Variants in EDARADD observed in about 807,000 individuals in gnomAD.
The protein encoded by EDARADD is EDAR associated via death domain.
In EDARADD, 20 loss-of-function variants were observed where a neutral mutation model predicts 25.6. That is an observed-to-expected ratio of 0.78 (90% CI 0.55 to 1.14). The LOEUF is 1.14. Among genes scored for constraint, EDARADD ranks in the 50% most tolerant of loss-of-function variants. The probability of loss-of-function intolerance (pLI) is 0.00; values close to 1 mark genes in which losing one functional copy is unlikely to be tolerated. For missense variants in EDARADD, 225 were observed against 270.1 expected (o/e 0.83, Z 1.17); for synonymous variants, 86 against 94.4 (o/e 0.91, Z 0.52).
chr1:236,395,807 C>T lies in EDARADD; in HGVS notation c.61+1302C>T. 1.4e-6 allele frequency: 1 copy of T among 718,950 alleles called. No homozygotes were observed. The allele number at this position is 718,950 out of a possible 1,614,324, so 44.5% of individuals were successfully genotyped here. ...CGGGAACCACCCCCGACCCAGGCGC[C>T]AGACCCGGAGTCGCACGGGGCTCCC... On this transcript the variant is annotated intron_variant, in intron 1 of 5. Transcript: ENST00000334232. The surrounding 1 kb of genome is among the most constrained non-coding windows in gnomAD (Gnocchi z 6.9).
chr1:236,383,266 A>G (rs971692149), intron 3 of EDARADD, among the ~76,000 whole-genome samples: 1 of 151,848 alleles, frequency 6.6e-6, no homozygotes, highest in African/African-American at 2.4e-5. Flanking sequence ...ATGGTGGTGC[A>G]TGCCTGTAGT....
rs115412263 is a variant in EDARADD at position 236,415,738 on chromosome 1, T to C, written c.160+1439T>C. On this transcript the variant is annotated intron_variant, in intron 3 of 5. Coordinates refer to ENST00000334232, the MANE Select transcript of EDARADD (RefSeq NM_145861.4). ...GGGATTACAGGCATGAGCCACCCAC[T>C]GCACCTGGGCCCTGTGTTCCTTTAT... 4.2e-3 allele frequency among the ~76,000 whole-genome samples: 633 copies of C among 152,296 alleles called. 5 individuals are homozygous for C. The highest frequency in any genetic ancestry group is 0.015 in the African/African-American group (610 of 41,570).
At chr1:236,388,311 T>C (rs1667380823) in intron 3 of EDARADD, among the ~76,000 whole-genome samples, 1 of 152,202 alleles carries the variant, frequency 6.6e-6, no homozygotes, top group African/African-American at 2.4e-5. Flanking sequence ...ACTACTGTTG[T>C]TTTATCATAT....
At chr1:236,458,635 CTTTTTCTTTTTTTTTTTTTT>C (rs1658944403) in intron 4 of EDARADD, among the ~76,000 whole-genome samples, 1 of 132,570 alleles carries the variant, frequency 7.5e-6, no homozygotes, top group Non-Finnish European at 1.6e-5. Flanking sequence ...GGTATTTTTT[CTTTTTCTTTTTTTTTTTTTT>C]TTTTTGAGAC....
intron 3 of EDARADD, among the ~76,000 whole-genome samples, chr1:236,383,221 C>A (rs1013944689): frequency 1.3e-5 from 2 of 151,866 alleles, no homozygotes; most frequent in Non-Finnish European, 2.9e-5. Context: ...ATAGAGAAAC[C>A]CTGTCTCCAC....
intron 3 of EDARADD, among the ~76,000 whole-genome samples, chr1:236,368,440 CTTTTTT>C (rs59201705): frequency 1.6e-5 from 2 of 124,172 alleles, no homozygotes; most frequent in African/African-American, 3.1e-5. Context: ...CCAGTCTTTT[CTTTTTT>C]TTTTTTTTTT....
intron 4 of EDARADD, among the ~76,000 whole-genome samples, chr1:236,446,994 C>G (rs939235569): frequency 1.3e-5 from 2 of 152,170 alleles, no homozygotes; most frequent in African/African-American, 4.8e-5. Context: ...CAGGAGCTGA[C>G]AGCCAATGGG....
chr1:236,365,615 T>G (rs954923515), intron 3 of EDARADD, among the ~76,000 whole-genome samples: 2 of 152,164 alleles, frequency 1.3e-5, no homozygotes, highest in African/African-American at 4.8e-5. Context: ...TTGGTTTACT[T>G]TACTTCATGA....
chr1:236,459,756 G>T (rs1393467935), intron 4 of EDARADD, among the ~76,000 whole-genome samples: 1 of 151,646 alleles, frequency 6.6e-6, no homozygotes, highest in African/African-American at 2.4e-5. Context: ...GGGGTTACAG[G>T]CTCCCACCGC....
intron 3 of EDARADD, among the ~76,000 whole-genome samples, chr1:236,384,393 G>A (rs1667331092): frequency 6.6e-6 from 1 of 152,154 alleles, no homozygotes; most frequent in Non-Finnish European, 1.5e-5. Context: ...AGTGGGTTAA[G>A]TACCTTTTTC....
chr1:236,389,734 G>A (rs532764982), upstream of EDARADD, among the ~76,000 whole-genome samples: 1 of 152,272 alleles, frequency 6.6e-6, no homozygotes, highest in East Asian at 1.9e-4. Context: ...TAGGCATGGT[G>A]GCCCACACAT....
chr1:236,466,849 A>T (rs1659205574), intron 4 of EDARADD, among the ~76,000 whole-genome samples: 1 of 152,158 alleles, frequency 6.6e-6, no homozygotes, highest in African/African-American at 2.4e-5. Flanking sequence ...TGGGCGGATC[A>T]TGAGGTCAGG....
intron 1 of EDARADD, among the ~76,000 whole-genome samples, chr1:236,405,723 CTTTTTCTT>C (rs1189866899): frequency 5.5e-5 from 8 of 146,126 alleles, no homozygotes; most frequent in Non-Finnish European, 9.0e-5. Context: ...TCCTTCCTTT[CTTTTTCTT>C]TCTTTCTTTC....
chr1:236,456,602 G>A (rs569362282), intron 4 of EDARADD, among the ~76,000 whole-genome samples: 3 of 152,026 alleles, frequency 2.0e-5, no homozygotes, highest in South Asian at 4.2e-4. Context: ...TTCCTCCTGC[G>A]TGTGCCTCTG....
rs573183270 is a variant in EDARADD at position 236,456,631 on chromosome 1, C to T, written c.220-11600C>T. Among the ~76,000 whole-genome samples the T allele has an allele frequency of 4.6e-5, 7 of 152,030 alleles. No homozygotes were observed. In the South Asian group the frequency reaches 1.0e-3, roughly 23 times the overall value. Reference sequence around the variant, plus strand: ...GCCTCTGCCACCACAGGAATGGCCACGCCTCAGATCATGTCACCGCTGGGA... The same window carrying T: ...GCCTCTGCCACCACAGGAATGGCCATGCCTCAGATCATGTCACCGCTGGGA... On this transcript the variant is annotated intron_variant, in intron 4 of 5. Transcript: ENST00000334232.
chr1:236,478,710 C>CT (rs1276254577), intron 5 of EDARADD, among the ~76,000 whole-genome samples: 1 of 152,146 alleles, frequency 6.6e-6, no homozygotes, highest in Non-Finnish European at 1.5e-5. Flanking sequence ...CCTCAGCCTC[C>CT]TGAGTAGCTG....
intron 3 of EDARADD, among the ~76,000 whole-genome samples, chr1:236,376,196 A>G (rs1667223737): frequency 6.6e-6 from 1 of 152,016 alleles, no homozygotes; most frequent in South Asian, 2.1e-4. Flanking sequence ...TGTCCTCCCA[A>G]AGTGCTGGGA....
Position 236,483,455 on chromosome 1 carries a change from G to A in EDARADD, c.*806G>A. 2 of 1,037,530 alleles carry A rather than the reference G, an allele frequency of 1.9e-6. No individual in the cohort carries two copies. The highest frequency in any genetic ancestry group is 3.0e-6 in the Non-Finnish European group (2 of 656,686). The allele number at this position is 1,037,530 out of a possible 1,614,324, so 64.3% of individuals were successfully genotyped here. ...AGATTGACAAACTTATGATAGAGAT[G>A]GATGGAACAGAAAATAAATCTAAAT... On this transcript the variant is annotated 3_prime_UTR_variant, in exon 6 of 6. Coordinates refer to ENST00000334232, the MANE Select transcript of EDARADD (RefSeq NM_145861.4).
chr1:236,471,844 T>C (rs1302887807), intron 5 of EDARADD, among the ~76,000 whole-genome samples: 1 of 152,184 alleles, frequency 6.6e-6, no homozygotes, highest in Non-Finnish European at 1.5e-5. Flanking sequence ...ATTAAGTCAG[T>C]CTGTGATCTG....
Sources: gnomAD v4.1 joint callset for allele counts (sites outside exome capture counted in the v4.1 genomes callset) on GRCh38, gnomAD v4.1.1 for gene constraint, Gnocchi (gnomAD v3.1) non-coding constraint, MANE v1.5 for transcripts, NCBI Gene and HGNC (gene_info 2026-07-23, HGNC 2026-07-21) for gene names.